Variants in ACSBG2 observed in about 807,000 individuals in gnomAD.
ACSBG2 encodes long-chain-fatty-acid--CoA ligase ACSBG2.
In ACSBG2, 62 loss-of-function variants were observed where a neutral mutation model predicts 74.7. That is an observed-to-expected ratio of 0.83 (90% confidence interval 0.68 to 1.03). The LOEUF is 1.03. Among genes scored for constraint, ACSBG2 ranks in the 50% least tolerant of loss-of-function variants. The pLI is 0.00. For missense variants in ACSBG2, 730 were observed against 817.6 expected, an observed-to-expected ratio of 0.89 and a Z score of 1.31; for synonymous variants, 309 against 294.1, an observed-to-expected ratio of 1.05 and a Z score of -0.52.
At chr19:6,178,938 G>C (rs943158322) in intron 8 of ACSBG2, among the ~76,000 whole-genome samples, 2 of 152,236 alleles carry the variant, frequency 1.3e-5, no homozygotes, top group African/African-American at 4.8e-5. Flanking sequence ...CACCAGAGTT[G>C]TTCCACTTTG....
At chr19:6,141,659 C>T in intron 2 of ACSBG2, 49 bp downstream of exon 2, 2 of 1,212,186 alleles carry the variant, frequency 1.6e-6, no homozygotes, top group African/African-American at 1.5e-5. Flanking sequence ...ACATTGATTC[C>T]ACAAAGGCTC....
chr19:6,177,410 A>G lies in ACSBG2; in HGVS notation c.906+14A>G, dbSNP rs1231129944. ...GATGCTCTCAAGGTAAGATTGAGTA[A>G]GGACCTGGGGCTCCGACTTCATCCT... is the stretch of plus-strand genomic sequence containing the variant. On this transcript the variant is annotated intron_variant, in intron 8 of 14. Transcript: ENST00000588485. The G allele has an allele frequency of 2.5e-6, 4 of 1,573,986 alleles. No homozygotes were observed. Among genetic ancestry groups the G allele is most frequent in the South Asian group, 2.4e-5 (2 of 83,980 alleles).
At chr19:6,187,498 G>A (rs1157133865) in intron 12 of ACSBG2, 76 bp downstream of exon 12, 2 of 1,603,266 alleles carry the variant, frequency 1.2e-6, no homozygotes, top group Non-Finnish European at 1.7e-6. Context: ...CCAGGGTCAA[G>A]AGGATGCATC....
chr19:6,170,243 TG>T (rs1396191600), intron 7 of ACSBG2, among the ~76,000 whole-genome samples: 5 of 152,280 alleles, frequency 3.3e-5, no homozygotes, highest in Admixed American at 3.3e-4. Context: ...CTTATTATTT[TG>T]GGGTATATTC....
chr19:6,136,551 T>C (rs1400524088), intron 1 of ACSBG2, among the ~76,000 whole-genome samples: 3 of 151,808 alleles, frequency 2.0e-5, no homozygotes, highest in Admixed American at 2.0e-4. Context: ...TTAGTAGAGA[T>C]GGGGTTTCAC....
chr19:6,177,589 C>A (rs1046086730), intron 8 of ACSBG2, among the ~76,000 whole-genome samples, 193 bp downstream of exon 8: 2 of 152,060 alleles, frequency 1.3e-5, no homozygotes, highest in African/African-American at 4.8e-5. Context: ...ATCTGTAATC[C>A]CGGCACTCTG....
chr19:6,186,210 G>C (rs2090402579), intron 11 of ACSBG2, among the ~76,000 whole-genome samples: 1 of 152,150 alleles, frequency 6.6e-6, no homozygotes, highest in Non-Finnish European at 1.5e-5. Context: ...AACTTTTCCT[G>C]AAGAGGGCCC....
rs1457876414 is a variant in ACSBG2 at position 6,174,950 on chromosome 19, C to T, written c.739-2279C>T. Among the ~76,000 whole-genome samples, 1 of 152,154 alleles carries T rather than the reference C, an allele frequency of 6.6e-6. No individual in the cohort carries two copies. Among genetic ancestry groups the T allele is most frequent in the Non-Finnish European group, 1.5e-5 (1 of 68,034 alleles). The stretch of plus-strand genomic sequence containing the variant: ...ATTTTAACTCCCCACTAAAACCCCA[C>T]GAGGAAAATTTTGTCACTAACCCTT... On this transcript the variant is annotated intron_variant, in intron 7 of 14. Coordinates refer to ENST00000588485, the MANE Select transcript of ACSBG2 (RefSeq NM_030924.5). This position sits in a 1 kb window ranked among gnomAD's most constrained non-coding sequence, Gnocchi z 4.2.
intron 7 of ACSBG2, chr19:6,176,409 A>C: frequency 6.6e-7 from 1 of 1,508,910 alleles, no homozygotes; most frequent in Non-Finnish European, 8.9e-7. Context: ...TGTCAGTTGA[A>C]AGTCCTTTGC....
chr19:6,152,610 G>A (rs932606507), intron 4 of ACSBG2, among the ~76,000 whole-genome samples: 8 of 145,956 alleles, frequency 5.5e-5, no homozygotes, highest in African/African-American at 1.8e-4. Flanking sequence ...GGCTGTAATC[G>A]TGAAAAAAAC....
intron 11 of ACSBG2, 105 bp downstream of exon 11, chr19:6,185,758 C>G (rs145538223): frequency 3.9e-5 from 45 of 1,163,870 alleles, no homozygotes; most frequent in Non-Finnish European, 5.4e-5. Context: ...TCCTCACCTT[C>G]CAAGAGGAGC....
At chr19:6,160,663 TCTCGGGCAGA>T (rs1300980795) in intron 5 of ACSBG2, 1 of 151,234 alleles carries the variant, frequency 6.6e-6, no homozygotes, top group Admixed American at 6.6e-5. Context: ...AGATGTGTTG[TCTCGGGCAGA>T]CTATTGTCAT....
intron 2 of ACSBG2, 21 bp downstream of exon 2, chr19:6,141,631 C>T (rs369640858): frequency 5.6e-5 from 81 of 1,458,280 alleles, no homozygotes; most frequent in Non-Finnish European, 6.9e-5. Context: ...CTAAAGAGTA[C>T]GTGGGAGAGA....
chr19:6,138,573 G>C (rs1354710181), intron 1 of ACSBG2, among the ~76,000 whole-genome samples: 1 of 120,540 alleles, frequency 8.3e-6, no homozygotes, highest in African/African-American at 3.4e-5. Flanking sequence ...AAAGAAGGGA[G>C]GGAGGGAAGG....
chr19:6,150,594 A>G (rs2089202763), intron 3 of ACSBG2, among the ~76,000 whole-genome samples: 1 of 152,190 alleles, frequency 6.6e-6, no homozygotes, highest in African/African-American at 2.4e-5. Context: ...AGCCAGACAC[A>G]AAAGGGCAAA....
At chr19:6,152,222 C>T (rs1198364348) in intron 4 of ACSBG2, among the ~76,000 whole-genome samples, 1 of 152,050 alleles carries the variant, frequency 6.6e-6, no homozygotes, top group Non-Finnish European at 1.5e-5. Context: ...ATGCGATCCT[C>T]CCAACTCGGC....
At chr19:6,147,050 G>C (rs1382562121) in intron 2 of ACSBG2, among the ~76,000 whole-genome samples, 1 of 151,990 alleles carries the variant, frequency 6.6e-6, no homozygotes, top group Non-Finnish European at 1.5e-5. Context: ...GCAGTGAGCT[G>C]TGATTGTGCC....
intron 8 of ACSBG2, among the ~76,000 whole-genome samples, chr19:6,181,580 A>G (rs547421113): frequency 4.6e-5 from 7 of 151,948 alleles, no homozygotes; most frequent in Admixed American, 2.6e-4. Flanking sequence ...TGATTTATCT[A>G]TTTTCTTTTA....
rs1241970130 is a variant in ACSBG2 at position 6,152,415 on chromosome 19, C to T, written c.386+620C>T. Among the ~76,000 whole-genome samples the T allele has an allele frequency of 2.6e-5, 2 of 75,578 alleles. 1 individual carries two copies. Among genetic ancestry groups the T allele is most frequent in the Non-Finnish European group, 6.0e-5 (2 of 33,450 alleles). 49.6% of individuals were successfully genotyped at this position (75,578 alleles called of 152,430 possible). On this transcript the variant is annotated intron_variant, in intron 4 of 14. Transcript: ENST00000588485. The stretch of plus-strand genomic sequence containing the variant: ...ACGCCATTCTCCTGCCTCAGGCTCC[C>T]GAGTAGCTGGGACTACAGGCGCCCG...
Sources: gnomAD v4.1 joint callset for allele counts (sites outside exome capture counted in the v4.1 genomes callset) on GRCh38, gnomAD v4.1.1 for gene constraint, Gnocchi (gnomAD v3.1) non-coding constraint, MANE v1.5 for transcripts, NCBI Gene and HGNC (gene_info 2026-07-23, HGNC 2026-07-21) for gene names.